The following LIG1 variants were observed in gnomAD, a reference collection of about 807,000 sequenced individuals.
LIG1 encodes DNA ligase 1.
Under a neutral mutation model 115.7 loss-of-function variants are expected in LIG1, and 70 were observed. That is an observed-to-expected ratio of 0.60 (90% confidence interval 0.50 to 0.74). The LOEUF is 0.74. Ranked by LOEUF, LIG1 falls within the 30% of genes least tolerant of loss-of-function variation. The pLI is 0.00. For synonymous variants in LIG1, 487 were observed against 495.3 expected, an observed-to-expected ratio of 0.98 and a Z score of 0.22; for missense variants, 1,115 against 1,225.6, an observed-to-expected ratio of 0.91 and a Z score of 1.35.
rs60315650 is a variant in LIG1, at chr19:48,163,107, G to T, written c.18-756C>A. On this transcript the variant is annotated intron_variant, in intron 2 of 27. Transcript: ENST00000263274. ...TTTTTTTTGTATTTTTGGTAGACAC[G>T]GGTTTTCTCCATGTTGGCCAGGCCA... Among the ~76,000 whole-genome samples the T allele has an allele frequency of 3.8e-3, 576 of 151,314 alleles. 2 individuals are homozygous for T. Among genetic ancestry groups the T allele is most frequent in the African/African-American group, 0.013 (556 of 41,216 alleles).
At chr19:48,135,895 C>G in intron 15 of LIG1, 116 bp from the exon 16 acceptor site, 1 of 889,876 alleles carries the variant, frequency 1.1e-6, no homozygotes. Flanking sequence ...CAAGACGCCC[C>G]CTCCCCCCCA....
chr19:48,170,172 A>T, intron 1 of LIG1, 69 bp downstream of exon 1: 1 of 454,484 alleles, frequency 2.2e-6, no homozygotes, highest in Non-Finnish European at 4.4e-6. Flanking sequence ...ATGGCGAAGC[A>T]TAGGCCCCAA....
At position 48,134,041 on chromosome 19, in the gene LIG1, T is replaced by C; in HGVS notation, c.1549A>G (p.Ile517Val). ...AGGCCGTGCTCCAGCAGCACGGGGA[T>C]AATTCGGTCCAGGTCGGGAACCTCG... ...FCEVPDLDRI[I>V]PVLLEHGLER... The change falls in exon 17 of 28, where the codon ATC (isoleucine) becomes GTC (valine). Residue 517 changes from isoleucine (I) to valine (V), a missense_variant. Ile to Val is a conservative substitution (Grantham distance 29). Coordinates refer to ENST00000263274, the MANE Select transcript of LIG1 (RefSeq NM_000234.3). 6.4e-7 allele frequency: 1 copy of C among 1,557,610 alleles called. No homozygotes were observed. Among genetic ancestry groups the C allele is most frequent in the South Asian group, 1.2e-5 (1 of 84,552 alleles).
At position 48,143,574 on chromosome 19, in the gene LIG1, T is replaced by A; in HGVS notation, c.883A>T (p.Thr295Ser). The change falls in exon 11 of 28, where the codon ACG (threonine) becomes TCG (serine). Residue 295 changes from threonine (T) to serine (S), a missense_variant. Transcript: ENST00000263274. ...QKVPYLAVARTFEKIEEVSAR... is the reference protein window; with the variant it reads ...QKVPYLAVARSFEKIEEVSAR... ...GACACCTCCTCGATCTTCTCAAACG[T>A]CCGGGCCACAGCCAGGTAAGGAACC... The A allele has an allele frequency of 6.4e-7, 1 of 1,560,246 alleles. No homozygotes were observed. The highest frequency in any genetic ancestry group is 8.7e-7 in the Non-Finnish European group (1 of 1,151,604).
chr19:48,121,822 T>C (rs1416057443), intron 23 of LIG1, among the ~76,000 whole-genome samples: 1 of 151,930 alleles, frequency 6.6e-6, no homozygotes, highest in South Asian at 2.1e-4. Context: ...AATAAATAAA[T>C]AAGAACAAAT....
chr19:48,148,566 G>A (rs2035272841), intron 9 of LIG1, among the ~76,000 whole-genome samples: 2 of 152,048 alleles, frequency 1.3e-5, no homozygotes, highest in South Asian at 2.1e-4. Flanking sequence ...CCAGGAGGCT[G>A]CAATGTAAGG....
In LIG1 at chr19:48,117,665, A is replaced by T; in HGVS notation, c.2556T>A (p.Ser852=). The T allele has an allele frequency of 6.2e-7, 1 of 1,612,790 alleles. No individual in the cohort carries two copies. The highest frequency in any genetic ancestry group is 8.5e-7 in the Non-Finnish European group (1 of 1,179,654). ...GGCCCCGCGCAGCAGGGTAGATGGGAGAGAGGGAGAGGTCAGCGCACTTCA... is the reference window on the plus strand; with the variant it reads ...GGCCCCGCGCAGCAGGGTAGATGGGTGAGAGGGAGAGGTCAGCGCACTTCA... The part of the protein sequence containing the change: ...WEVKCADLSL[S]PIYPAARGLV... The change falls in exon 26 of 28, where the codon TCT becomes TCA. Residue 852 remains serine (S), a synonymous_variant. Transcript: ENST00000263274.
chr19:48,159,147 G>A (rs151033958), intron 4 of LIG1, among the ~76,000 whole-genome samples: 1 of 150,318 alleles, frequency 6.7e-6, no homozygotes, highest in African/African-American at 2.4e-5. Flanking sequence ...GCACGATCTC[G>A]GCTCACCACA....
chr19:48,119,291 C>G, intron 24 of LIG1, 101 bp from the exon 25 acceptor site: 2 of 915,244 alleles, frequency 2.2e-6, no homozygotes, highest in South Asian at 1.4e-5. Context: ...CCACCCCACT[C>G]TGGTCTACGC....
intron 24 of LIG1, chr19:48,120,901 A>T: frequency 7.9e-7 from 1 of 1,270,568 alleles, no homozygotes; most frequent in Non-Finnish European, 1.0e-6. Flanking sequence ...TAACAAAAAA[A>T]TTCTTTTCTT....
chr19:48,138,721 T>C (rs2034555590), intron 12 of LIG1, among the ~76,000 whole-genome samples: 1 of 152,162 alleles, frequency 6.6e-6, no homozygotes, highest in African/African-American at 2.4e-5. Flanking sequence ...CCATGGATTG[T>C]TGGGCAGGAA....
At chr19:48,117,997 C>T in intron 25 of LIG1, 1 of 604,232 alleles carries the variant, frequency 1.7e-6, no homozygotes, top group Non-Finnish European at 2.9e-6. Flanking sequence ...GGAAAAGAAA[C>T]AAGACCCCCT....
At chr19:48,123,595 A>T in intron 21 of LIG1, 2 of 515,652 alleles carry the variant, frequency 3.9e-6, no homozygotes, top group Admixed American at 3.2e-5. Context: ...TTAACACTTT[A>T]CGGGCATCTC....
At chr19:48,157,375 A>G (rs1428836926) in intron 4 of LIG1, among the ~76,000 whole-genome samples, 1 of 151,974 alleles carries the variant, frequency 6.6e-6, no homozygotes, top group East Asian at 1.9e-4. Context: ...CAGTAACAGA[A>G]TCTTCGATTC....
At chr19:48,134,583 T>C (rs1038304909) in intron 16 of LIG1, among the ~76,000 whole-genome samples, 1 of 152,208 alleles carries the variant, frequency 6.6e-6, no homozygotes, top group African/African-American at 2.4e-5. Flanking sequence ...ACTTGAACCC[T>C]GGAGGCGGAA....
At chr19:48,121,658 G>A (rs3731020) in intron 23 of LIG1, among the ~76,000 whole-genome samples, 1,711 of 152,226 alleles carry the variant, frequency 0.011, 38 homozygotes, top group African/African-American at 0.037. Context: ...AAAATTAGCC[G>A]GGCGTGGTGG....
rs3730947 is a variant in LIG1, at chr19:48,140,013, C to T, written c.1045G>A (p.Val349Met). ...GCCTTGAGAAGGACACCATCACCCA[C>T]GCCAAGCTCCAGGCCCTGCTGGGGT... ...GPPQQGLELGVGDGVLLKAVA... is the reference protein window; with the variant it reads ...GPPQQGLELGMGDGVLLKAVA... The change falls in exon 12 of 28, where the codon GTG (valine) becomes ATG (methionine). Residue 349 changes from valine to methionine, a missense_variant. Coordinates refer to ENST00000263274, the MANE Select transcript of LIG1 (RefSeq NM_000234.3). The T allele has an allele frequency of 2.7e-3, 4,343 of 1,614,156 alleles. 19 individuals carry two copies. Among genetic ancestry groups the T allele is most frequent in the South Asian group, 5.5e-3 (501 of 91,092 alleles).
Position 48,115,532 on chromosome 19 carries a change from C to T in LIG1, c.*117G>A. ...CCACCCCCTCACACACACACCCCTC[C>T]CCTGACTCTCAAAATCCACAGCCTG... On this transcript the variant is annotated 3_prime_UTR_variant, in exon 28 of 28. Coordinates refer to ENST00000263274, the MANE Select transcript of LIG1 (RefSeq NM_000234.3). 5.3e-6 allele frequency: 4 copies of T among 759,110 alleles called. No homozygotes were observed. Among genetic ancestry groups the T allele is most frequent in the South Asian group, 2.9e-5 (2 of 68,500 alleles). The allele number at this position is 759,110 out of a possible 1,614,324, so 47.0% of individuals were successfully genotyped here. A position where few individuals can be genotyped will look rare whatever the true frequency, so the allele number is the denominator to read the frequency against.
At chr19:48,145,661 G>A (rs1414506963) in intron 9 of LIG1, among the ~76,000 whole-genome samples, 1 of 152,168 alleles carries the variant, frequency 6.6e-6, no homozygotes, top group Admixed American at 6.5e-5. Context: ...CAATGAGGCA[G>A]CAGAGTGTGG....
Sources: allele counts gnomAD v4.1 joint callset (sites outside exome capture counted in the v4.1 genomes callset), GRCh38; gene constraint gnomAD v4.1.1; transcripts MANE v1.5; gene names NCBI Gene and HGNC (gene_info 2026-07-23, HGNC 2026-07-21).